Variants in PCNX1 observed in about 807,000 individuals in gnomAD.
PCNX1 encodes the protein pecanex 1.
In PCNX1, 78 loss-of-function variants were observed where a neutral mutation model predicts 242.2. That is an observed-to-expected ratio of 0.32 (90% CI 0.27 to 0.39). PCNX1 has a LOEUF of 0.39. Among genes scored for constraint, PCNX1 ranks in the 10% least tolerant of loss-of-function variants. The pLI is 1.00. For synonymous variants in PCNX1, 1,024 were observed against 1,032.9 expected (o/e 0.99, Z 0.17); for missense variants, 2,581 against 2,856.5 (o/e 0.90, Z 2.20).
intron 6 of PCNX1, among the ~76,000 whole-genome samples, chr14:70,987,130 T>C (rs1400438518): frequency 1.3e-5 from 2 of 152,222 alleles, no homozygotes; most frequent in Admixed American, 1.3e-4. Flanking sequence ...TGATTGCATT[T>C]TCATTTCATT....
rs1347460025 is a variant in PCNX1, at chr14:71,109,147, TAGTCTC to T, written c.6744+104_6744+109del. On this transcript the variant is annotated intron_variant, in intron 34 of 35. Transcript: ENST00000304743. ...ACTGTTGTGAATACACACCTTATCT[TAGTCTC>T]AGGACTAGAATATTTTTGAATGTTG... 7 of 1,013,042 alleles carry T rather than the reference TAGTCTC, an allele frequency of 6.9e-6. No homozygotes were observed. The African/African-American group carries it at 1.1e-4, about 16-fold the overall frequency. 62.8% of individuals were successfully genotyped at this position (1,013,042 alleles called of 1,614,324 possible). A position where few individuals can be genotyped will look rare whatever the true frequency, so the allele number is the denominator to read the frequency against.
rs182920457 is a variant in PCNX1 at position 70,950,569 on chromosome 14, T to A, written c.362+3446T>A. Reference sequence around the variant, plus strand: ...ATATGTATTGCCAAATTCCCAAGATTTTACCATTTAATGACTATGACCAGA... The same window carrying A: ...ATATGTATTGCCAAATTCCCAAGATATTACCATTTAATGACTATGACCAGA... On this transcript the variant is annotated intron_variant, in intron 2 of 35. Transcript: ENST00000304743. Among the ~76,000 whole-genome samples, 708 of 152,242 alleles carry A rather than the reference T, an allele frequency of 4.7e-3. 4 individuals carry two copies. Among genetic ancestry groups the A allele is most frequent in the African/African-American group, 0.016 (667 of 41,560 alleles).
chr14:70,949,133 T>C (rs542051261), intron 2 of PCNX1, among the ~76,000 whole-genome samples: 1 of 114,364 alleles, frequency 8.7e-6, no homozygotes, highest in Non-Finnish European at 2.1e-5. Context: ...TATATGTACA[T>C]ATACACATAT....
chr14:71,035,980 C>A, intron 18 of PCNX1, 85 bp from the exon 19 acceptor site: 1 of 872,010 alleles, frequency 1.1e-6, no homozygotes, highest in Non-Finnish European at 1.8e-6. Flanking sequence ...AAAATTAATT[C>A]TTAAACTTTG....
rs1393346444 is a variant in PCNX1 at position 71,047,728 on chromosome 14, A to G, written c.4161-79A>G. On this transcript the variant is annotated intron_variant, in intron 21 of 35. Coordinates refer to ENST00000304743, the MANE Select transcript of PCNX1 (RefSeq NM_014982.3). Reference sequence around the variant, plus strand: ...ATATATTATAAGCTTAGTAAAGTAAATGGTGAATTTTATTTTAAGTTACTG... The same window carrying G: ...ATATATTATAAGCTTAGTAAAGTAAGTGGTGAATTTTATTTTAAGTTACTG... 5.9e-6 allele frequency: 7 copies of G among 1,186,016 alleles called. No individual in the cohort carries two copies. The East Asian group carries it at 9.4e-5, about 16-fold the overall frequency. The allele number at this position is 1,186,016 out of a possible 1,614,324, so 73.5% of individuals were successfully genotyped here.
At chr14:70,917,208 A>G (rs2056184439) in intron 1 of PCNX1, among the ~76,000 whole-genome samples, 2 of 152,132 alleles carry the variant, frequency 1.3e-5, no homozygotes, top group Admixed American at 1.3e-4. Context: ...GTTGGAATAA[A>G]CTTCTTCCAA....
intron 1 of PCNX1, among the ~76,000 whole-genome samples, chr14:70,910,051 CTCCT>C (rs2055769268): frequency 9.4e-6 from 1 of 105,934 alleles, no homozygotes; most frequent in African/African-American, 3.7e-5. Context: ...CCTCCTCCTC[CTCCT>C]CCTCCTCCCC....
intron 13 of PCNX1, among the ~76,000 whole-genome samples, chr14:71,025,571 G>T (rs952074449): frequency 6.6e-6 from 1 of 151,954 alleles, no homozygotes; most frequent in Admixed American, 6.6e-5. Flanking sequence ...ATATACACAC[G>T]TATATACATA....
In PCNX1 at chr14:71,076,374, G is replaced by A. The variant is rs2061719144; in HGVS notation, c.5292G>A (p.Val1764=). 1.2e-6 allele frequency: 2 copies of A among 1,613,072 alleles called. No homozygotes were observed. Among genetic ancestry groups the A allele is most frequent in the African/African-American group, 1.3e-5 (1 of 74,870 alleles). ...GCATATCTAGGGAGAGTTTCTGTGT[G>A]ATTTACCTCAACTGGATAGAGTACT... ...LAGISRESFC[V]IYLNWIEYCS... is the part of the protein sequence containing the mutation. The change falls in exon 28 of 36, where the codon GTG becomes GTA. Residue 1764 remains valine, a synonymous_variant. Coordinates refer to ENST00000304743, the MANE Select transcript of PCNX1 (RefSeq NM_014982.3).
intron 1 of PCNX1, among the ~76,000 whole-genome samples, chr14:70,910,874 G>A (rs915015995): frequency 6.6e-6 from 1 of 152,158 alleles, no homozygotes; most frequent in African/African-American, 2.4e-5. Flanking sequence ...TTAAAATCTA[G>A]CCTGGGGGTA....
intron 1 of PCNX1, among the ~76,000 whole-genome samples, chr14:70,921,433 A>G (rs1188396447): frequency 6.6e-6 from 1 of 152,176 alleles, no homozygotes; most frequent in Non-Finnish European, 1.5e-5. Context: ...GGTGTGAACC[A>G]ACATGCCAGG....
intron 6 of PCNX1, among the ~76,000 whole-genome samples, chr14:70,986,399 T>TA (rs2059003334): frequency 6.6e-6 from 1 of 152,222 alleles, no homozygotes; most frequent in Non-Finnish European, 1.5e-5. Flanking sequence ...TGCATCATAA[T>TA]ATGCAGCTAT....
rs574884972 is a variant in PCNX1, at chr14:71,055,102, A to G, written c.4578-402A>G. On this transcript the variant is annotated intron_variant, in intron 24 of 35. Transcript: ENST00000304743. ...TTCTGTGGACCACATTTTGGGAACT[A>G]CTGTTCCAAAGAACATTGCATCACT... Among the ~76,000 whole-genome samples, 8 of 152,326 alleles carry G rather than the reference A, an allele frequency of 5.3e-5. No individual in the cohort carries two copies. The South Asian group carries it at 6.2e-4, about 12-fold the overall frequency.
chr14:70,970,655 A>G (rs1240516305), intron 5 of PCNX1, among the ~76,000 whole-genome samples: 2 of 152,194 alleles, frequency 1.3e-5, no homozygotes, highest in South Asian at 2.1e-4. Context: ...CTGGGTGCAT[A>G]CTATTGGCCA....
At chr14:71,098,700 T>G (rs1163889742) in intron 30 of PCNX1, among the ~76,000 whole-genome samples, 1 of 152,182 alleles carries the variant, frequency 6.6e-6, no homozygotes, top group Non-Finnish European at 1.5e-5. Flanking sequence ...TTCCAGGAGC[T>G]TTTTGGCAGA....
intron 19 of PCNX1, among the ~76,000 whole-genome samples, chr14:71,040,787 C>A (rs149798696): frequency 6.6e-6 from 1 of 152,042 alleles, no homozygotes; most frequent in Non-Finnish European, 1.5e-5. Context: ...ATTCTTTCTA[C>A]ACTTTTTGTA....
intron 2 of PCNX1, among the ~76,000 whole-genome samples, chr14:70,957,498 T>C (rs190748215): frequency 1.2e-4 from 18 of 152,250 alleles, no homozygotes; most frequent in African/African-American, 4.1e-4. Context: ...TTGAAAACAT[T>C]ATGCTAAGTG....
At chr14:71,067,917 T>A (rs912560108) in intron 26 of PCNX1, among the ~76,000 whole-genome samples, 12 of 152,028 alleles carry the variant, frequency 7.9e-5, no homozygotes, top group Admixed American at 3.9e-4. Context: ...AGTTTCACAA[T>A]TAAAAAAAAG....
At chr14:71,044,893 C>T (rs933653336) in intron 19 of PCNX1, among the ~76,000 whole-genome samples, 2 of 152,146 alleles carry the variant, frequency 1.3e-5, no homozygotes, top group Non-Finnish European at 2.9e-5. Flanking sequence ...GTGTAAGACA[C>T]CAGAGAAAGT....
Sources: gnomAD v4.1 joint callset for allele counts (sites outside exome capture counted in the v4.1 genomes callset) on GRCh38, gnomAD v4.1.1 for gene constraint, MANE v1.5 for transcripts, NCBI Gene and HGNC (gene_info 2026-07-23, HGNC 2026-07-21) for gene names.